DDX24: variants seen among roughly 807,000 people sequenced by gnomAD.
DDX24 encodes DEAD-box helicase 24.
In DDX24, 24 loss-of-function variants were observed where a neutral mutation model predicts 68.9. The ratio of observed to expected loss-of-function variants is 0.35; its 90% CI spans 0.25 to 0.49. The LOEUF (loss-of-function observed/expected upper bound fraction) is 0.49. DDX24 is among the 20% of genes least tolerant of loss of function. DDX24 has a pLI of 0.99. For synonymous variants in DDX24, 395 were observed against 385.2 expected, an observed-to-expected ratio of 1.03 and a Z score of -0.30; for missense variants, 989 against 1,039.0, an observed-to-expected ratio of 0.95 and a Z score of 0.66.
Position 94,072,832 on chromosome 14 carries a change from A to G in DDX24, c.718+6193T>C, listed in dbSNP as rs943841467. ...TGACAAAGCAAGACTCCGTCTCAAA[A>G]AACAAACAAACAAAAAAACTTGCTC... On this transcript the variant is annotated intron_variant, in intron 2 of 8. Coordinates refer to ENST00000621632, the MANE Select transcript of DDX24 (RefSeq NM_020414.4). Among the ~76,000 whole-genome samples, 4 of 152,166 alleles carry G rather than the reference A, an allele frequency of 2.6e-5. 1 individual carries two copies. The highest frequency in any genetic ancestry group is 3.9e-4 in the East Asian group (2 of 5,194).
intron 2 of DDX24, among the ~76,000 whole-genome samples, chr14:94,078,398 G>A (rs1243088481): frequency 5.9e-5 from 9 of 152,168 alleles, no homozygotes; most frequent in African/African-American, 1.9e-4. Context: ...ATCCAGCAAA[G>A]TCAACCTGTC....
intron 2 of DDX24, among the ~76,000 whole-genome samples, chr14:94,077,870 TAAAA>T (rs34265498): frequency 6.9e-6 from 1 of 145,042 alleles, no homozygotes; most frequent in Non-Finnish European, 1.5e-5. Flanking sequence ...GAAAATTTAG[TAAAA>T]AAAAAAAAAA....
rs954300880 is a variant in DDX24 at position 94,078,020 on chromosome 14, C to CG, written c.718+1004dup. Among the ~76,000 whole-genome samples, 135 of 148,948 alleles carry CG rather than the reference C, an allele frequency of 9.1e-4. 1 individual carries two copies. The highest frequency in any genetic ancestry group is 2.8e-3 in the East Asian group (14 of 5,068). ...TCTGCATCTGTGGATCGACAATATT[C>CG]GGGGGGGTAAAAAAAAAAAAACTGT... On this transcript the variant is annotated intron_variant, in intron 2 of 8. Coordinates refer to ENST00000621632, the MANE Select transcript of DDX24 (RefSeq NM_020414.4).
At chr14:94,051,635 C>G (rs1263486608) in intron 8 of DDX24, 173 bp from the exon 9 acceptor site, 1 of 728,034 alleles carries the variant, frequency 1.4e-6, no homozygotes, top group Non-Finnish European at 2.1e-6. Context: ...TGGATAACGT[C>G]TAACCATTTG....
Position 94,079,658 on chromosome 14 carries a change from A to G in DDX24, c.85T>C (p.Trp29Arg). 1.2e-6 allele frequency: 2 copies of G among 1,613,742 alleles called. No individual in the cohort carries two copies. The highest frequency in any genetic ancestry group is 1.7e-6 in the Non-Finnish European group (2 of 1,179,922). The stretch of plus-strand genomic sequence containing the variant: ...TTTGGGTCAATCTTCACTTCCTTCC[A>G]TTTTCCCACAACTTTGATTCCCTTT... ...QTKGIKVVGK[W>R]KEVKIDPNMF... The change falls in exon 2 of 9, where the codon TGG becomes CGG. Residue 29 changes from tryptophan to arginine, a missense_variant. Physicochemically the swap from Trp to Arg is moderately radical, Grantham distance 101 (BLOSUM62 -3). Coordinates refer to ENST00000621632, the MANE Select transcript of DDX24 (RefSeq NM_020414.4).
chr14:94,061,050 A>C lies in DDX24; in HGVS notation c.1260T>G (p.Ile420Met). 3 of 1,614,072 alleles carry C rather than the reference A, an allele frequency of 1.9e-6. No homozygotes were observed. Among genetic ancestry groups the C allele is most frequent in the Non-Finnish European group, 1.7e-6 (2 of 1,180,006 alleles). The change falls in exon 4 of 9, where the codon ATT (isoleucine) becomes ATG (methionine). Residue 420 changes from isoleucine (I) to methionine (M), a missense_variant. Ile to Met is a conservative substitution (Grantham distance 10). Transcript: ENST00000621632. ...TCTGCGTGGACATTCCACCAACCAAAATAGCAGTTTTAATTCCTATGGGAC... is the reference window on the plus strand; with the variant it reads ...TCTGCGTGGACATTCCACCAACCAACATAGCAGTTTTAATTCCTATGGGAC... The part of the protein sequence containing the change: ...VARFTGIKTA[I>M]LVGGMSTQKQ...
At chr14:94,069,357 T>C (rs546421376) in intron 2 of DDX24, among the ~76,000 whole-genome samples, 6 of 152,110 alleles carry the variant, frequency 3.9e-5, no homozygotes, top group East Asian at 1.9e-4. Flanking sequence ...AGCAGCAAGA[T>C]TGAAATGGTA....
chr14:94,071,864 G>C (rs1423236931), intron 2 of DDX24, among the ~76,000 whole-genome samples: 4 of 152,064 alleles, frequency 2.6e-5, no homozygotes, highest in Non-Finnish European at 5.9e-5. Context: ...AGAATCACTT[G>C]AACCCGGGAG....
At chr14:94,072,481 A>C (rs1205718992) in intron 2 of DDX24, among the ~76,000 whole-genome samples, 1 of 152,254 alleles carries the variant, frequency 6.6e-6, no homozygotes, top group African/African-American at 2.4e-5. Flanking sequence ...GGGATGAAAT[A>C]CTACAAATAT....
At position 94,069,712 on chromosome 14, in the gene DDX24, C is replaced by G. The variant is rs575273138; in HGVS notation, c.719-7091G>C. 1.4e-4 allele frequency among the ~76,000 whole-genome samples: 21 copies of G among 152,240 alleles called. No homozygotes were observed. The South Asian group carries it at 3.7e-3, about 27-fold the overall frequency. ...GGATGCAGGGATGGTTTAACATATG[C>G]AAGTCAATAAATGTGGTATACCACA... On this transcript the variant is annotated intron_variant, in intron 2 of 8. Coordinates refer to ENST00000621632, the MANE Select transcript of DDX24 (RefSeq NM_020414.4).
chr14:94,071,346 C>A (rs921498228), intron 2 of DDX24, among the ~76,000 whole-genome samples: 15 of 152,116 alleles, frequency 9.9e-5, no homozygotes, highest in Non-Finnish European at 1.9e-4. Flanking sequence ...ATCAAAAAAT[C>A]AAAAAACAGT....
intron 2 of DDX24, among the ~76,000 whole-genome samples, chr14:94,065,735 A>G (rs145794693): frequency 0.01 from 1,555 of 152,248 alleles, 31 homozygotes; most frequent in African/African-American, 0.035. Flanking sequence ...CACCCCCACT[A>G]GAGAAGGTGA....
At chr14:94,075,922 G>A (rs894055260) in intron 2 of DDX24, among the ~76,000 whole-genome samples, 1 of 152,128 alleles carries the variant, frequency 6.6e-6, no homozygotes, top group Non-Finnish European at 1.5e-5. Context: ...AAATGACAAG[G>A]AAATAATAGT....
At chr14:94,076,143 A>C (rs1885934455) in intron 2 of DDX24, among the ~76,000 whole-genome samples, 1 of 152,226 alleles carries the variant, frequency 6.6e-6, no homozygotes, top group Admixed American at 6.5e-5. Context: ...ATCCATACAA[A>C]GACTGGTACA....
At chr14:94,076,680 CAAA>C (rs35863241) in intron 2 of DDX24, among the ~76,000 whole-genome samples, 4 of 100,176 alleles carry the variant, frequency 4.0e-5, no homozygotes, top group African/African-American at 7.4e-5. Context: ...GACTCCGTCT[CAAA>C]AAAAAAAAAA....
At chr14:94,080,298 T>C (rs1484127533) in intron 1 of DDX24, among the ~76,000 whole-genome samples, 2 of 152,146 alleles carry the variant, frequency 1.3e-5, no homozygotes, top group Non-Finnish European at 2.9e-5. Context: ...CACCATCCTT[T>C]CCTTTGCCAA....
rs1446525629 is a variant in DDX24, at chr14:94,079,601, C to T, written c.142G>A (p.Val48Met). Residue 48 changes from valine (V) to methionine (M), a missense_variant, in exon 2 of 9, where the codon GTG becomes ATG. By Grantham distance (21) the Val-to-Met change is conservative (BLOSUM62 1). Around this residue, in one of 3 missense-constraint regions of DDX24, gnomAD observed 295 missense variants for 263.0 expected, o/e 1.12. Coordinates refer to ENST00000621632, the MANE Select transcript of DDX24 (RefSeq NM_020414.4). ...TAATCTGTCAATTCCTCAAAGCACA[C>T]CAAGTCATCCATCTGTCCATCTGCA... ...MFADGQMDDL[V>M]CFEELTDYQL... The T allele has an allele frequency of 3.7e-6, 6 of 1,614,062 alleles. No individual in the cohort carries two copies. Among genetic ancestry groups the T allele is most frequent in the South Asian group, 1.1e-5 (1 of 91,082 alleles).
intron 2 of DDX24, among the ~76,000 whole-genome samples, chr14:94,071,137 T>G (rs922232721): frequency 1.3e-5 from 2 of 151,978 alleles, no homozygotes; most frequent in African/African-American, 4.8e-5. Flanking sequence ...ATATCCAGAA[T>G]CTACAGCAAA....
rs761593879 is a variant in DDX24, at chr14:94,055,102, A to G, written c.2072T>C (p.Ile691Thr). The G allele has an allele frequency of 5.6e-6, 9 of 1,614,216 alleles. No homozygotes were observed. The East Asian group carries it at 6.7e-5, about 12-fold the overall frequency. Residue 691 changes from isoleucine (I) to threonine (T), a missense_variant, in exon 7 of 9, where the codon ATT (isoleucine) becomes ACT (threonine). Transcript: ENST00000621632. ...ATNEGLSLMLIGPEDVINFKK... is the reference protein window; with the variant it reads ...ATNEGLSLMLTGPEDVINFKK... ...AAAGTTGATCACATCCTCAGGCCCA[A>G]TGAGCATCAGACTGAGGCCTTCATT...
Sources: allele counts gnomAD v4.1 joint callset (sites outside exome capture counted in the v4.1 genomes callset), GRCh38; gene constraint gnomAD v4.1.1; regional missense constraint gnomAD v4.1.1; transcripts MANE v1.5; gene names NCBI Gene and HGNC (gene_info 2026-07-23, HGNC 2026-07-21).